NFE2L2: variants seen among roughly 807,000 people sequenced by gnomAD.
NFE2L2 encodes the protein NFE2 like bZIP transcription factor 2.
In NFE2L2, 20 loss-of-function variants were observed where a neutral mutation model predicts 49.6. That is an observed-to-expected ratio of 0.40 (90% CI 0.28 to 0.59). The LOEUF (loss-of-function observed/expected upper bound fraction) is 0.59, where lower values mean the gene tolerates loss of function less well. NFE2L2 is among the 20% of genes least tolerant of loss of function. The pLI, the probability that NFE2L2 is intolerant of heterozygous loss-of-function variation, is 0.40. For missense variants in NFE2L2, 578 were observed against 714.2 expected, an observed-to-expected ratio of 0.81 and a Z score of 2.17; for synonymous variants, 244 against 256.5, an observed-to-expected ratio of 0.95 and a Z score of 0.47.
intron 1 of NFE2L2, among the ~76,000 whole-genome samples, chr2:177,239,226 A>C (rs1020109576): frequency 2.6e-5 from 4 of 152,222 alleles, no homozygotes; most frequent in African/African-American, 9.6e-5. Flanking sequence ...TGGGAGACTA[A>C]GCAGCTCCTG....
At chr2:177,256,345 C>T (rs777592455) in intron 1 of NFE2L2, among the ~76,000 whole-genome samples, 6 of 152,040 alleles carry the variant, frequency 3.9e-5, no homozygotes, top group Admixed American at 6.5e-5. Flanking sequence ...GCAGAGCAGA[C>T]AAGAGATTGT....
intron 1 of NFE2L2, among the ~76,000 whole-genome samples, chr2:177,242,721 A>G (rs1467769178): frequency 6.6e-6 from 1 of 152,208 alleles, no homozygotes; most frequent in Admixed American, 6.5e-5. Context: ...GCAAAACTGG[A>G]AAGTGAAGAA....
At position 177,256,499 on chromosome 2, in the gene NFE2L2, CAAA is replaced by C. The variant is rs35073132; in HGVS notation, c.45+8030_45+8032del. ...ACTCTGAATGTCAGCTACATTCTTG[CAAA>C]AAAAAAAAAAAAAAAAAAGGAAAGG... On this transcript the variant is annotated intron_variant, in intron 1 of 4. Coordinates refer to ENST00000397062, the MANE Select transcript of NFE2L2 (RefSeq NM_006164.5). Among the ~76,000 whole-genome samples, 674 of 75,090 alleles carry C rather than the reference CAAA, an allele frequency of 9.0e-3. 3 individuals are homozygous for C. Among genetic ancestry groups the C allele is most frequent in the African/African-American group, 0.03 (635 of 21,260 alleles). 49.3% of individuals were successfully genotyped at this position (75,090 alleles called of 152,430 possible). A position where few individuals can be genotyped will look rare whatever the true frequency, so the allele number is the denominator to read the frequency against.
At chr2:177,257,177 T>C (rs888475202) in intron 1 of NFE2L2, among the ~76,000 whole-genome samples, 1 of 152,210 alleles carries the variant, frequency 6.6e-6, no homozygotes, top group African/African-American at 2.4e-5. Flanking sequence ...CGGAGGAAGA[T>C]AATGAGGCCC....
chr2:177,233,444 A>C, intron 2 of NFE2L2, 105 bp from the exon 3 acceptor site: 1 of 871,972 alleles, frequency 1.1e-6, no homozygotes, highest in Non-Finnish European at 1.8e-6. Context: ...TAATCAAGTT[A>C]AGTAAATATT....
intron 1 of NFE2L2, chr2:177,264,240 G>A: frequency 2.8e-6 from 1 of 352,534 alleles, no homozygotes; most frequent in Admixed American, 4.9e-5. Flanking sequence ...CCGGGGACGC[G>A]GCTGGATTCT....
At chr2:177,233,875 T>C (rs1438071035) in intron 2 of NFE2L2, 130 bp downstream of exon 2, 1 of 1,261,068 alleles carries the variant, frequency 7.9e-7, no homozygotes, top group Non-Finnish European at 1.1e-6. Context: ...GAGGCTGAGG[T>C]TGGAAAGTAG....
intron 1 of NFE2L2, among the ~76,000 whole-genome samples, chr2:177,258,659 AG>A (rs978724212): frequency 2.2e-4 from 33 of 152,168 alleles, no homozygotes; most frequent in Non-Finnish European, 4.0e-4. Flanking sequence ...TCTACTATAG[AG>A]GAAAAAAAAA....
chr2:177,231,854 A>T lies in NFE2L2; in HGVS notation c.749T>A (p.Phe250Tyr). Residue 250 changes from phenylalanine to tyrosine, a missense_variant, in exon 5 of 5, where the codon TTT (phenylalanine) becomes TAT (tyrosine). Coordinates refer to ENST00000397062, the MANE Select transcript of NFE2L2 (RefSeq NM_006164.5). The stretch of plus-strand genomic sequence containing the variant: ...GAGGATGCTGCTGAAGGAATCCTCA[A>T]AAGCATTAAGAAAATGTGGACTACA... ...GNCSPHFLNA[F>Y]EDSFSSILST... The T allele has an allele frequency of 6.2e-7, 1 of 1,614,232 alleles. No individual in the cohort carries two copies. Among genetic ancestry groups the T allele is most frequent in the Non-Finnish European group, 8.5e-7 (1 of 1,180,030 alleles).
In NFE2L2 at chr2:177,234,144, CTTTCCT is replaced by C; in HGVS notation, c.167_172del (p.Lys56_Glu57del). ...TTGCTCCTTTTGGAGTTGTTCTTGT[CTTTCCT>C]TTTCAAGTTTTTTCTGTTTTTCCAG... is the stretch of plus-strand genomic sequence containing the variant. On this transcript the variant is annotated inframe_deletion, in exon 2 of 5. Transcript: ENST00000397062. The C allele has an allele frequency of 1.2e-6, 2 of 1,614,136 alleles. No individual in the cohort carries two copies. Among genetic ancestry groups the C allele is most frequent in the South Asian group, 1.1e-5 (1 of 91,076 alleles).
chr2:177,246,201 A>T (rs1476616639), intron 1 of NFE2L2, among the ~76,000 whole-genome samples: 1 of 152,220 alleles, frequency 6.6e-6, no homozygotes, highest in Non-Finnish European at 1.5e-5. Flanking sequence ...AGGCCAACGT[A>T]ACTTGCCTAA....
At chr2:177,237,562 A>T (rs1689793152) in intron 1 of NFE2L2, among the ~76,000 whole-genome samples, 1 of 152,302 alleles carries the variant, frequency 6.6e-6, no homozygotes, top group South Asian at 2.1e-4. Context: ...TCTGTCGCCC[A>T]GGCTGGAGTG....
chr2:177,253,289 A>G (rs1690405705), intron 1 of NFE2L2, among the ~76,000 whole-genome samples: 1 of 152,214 alleles, frequency 6.6e-6, no homozygotes, highest in East Asian at 1.9e-4. Context: ...ATTAAATATC[A>G]AGCTCCTAGA....
chr2:177,263,702 C>CG (rs1421342314), intron 1 of NFE2L2: 1 of 985,392 alleles, frequency 1.0e-6, no homozygotes, highest in Non-Finnish European at 1.2e-6. Context: ...CCGCCGACTC[C>CG]GGCCTCAGAG....
intron 1 of NFE2L2, chr2:177,263,433 T>TTG (rs1327311464): frequency 1.0e-6 from 1 of 985,382 alleles, no homozygotes; most frequent in African/African-American, 1.7e-5. Flanking sequence ...ATATCCCGTC[T>TTG]TACACATTTT....
intron 1 of NFE2L2, among the ~76,000 whole-genome samples, chr2:177,251,582 G>A (rs1006874142): frequency 6.6e-6 from 1 of 152,154 alleles, no homozygotes; most frequent in Non-Finnish European, 1.5e-5. Flanking sequence ...CCTGCTATGG[G>A]GTTGGTTTTC....
chr2:177,245,289 CTT>C (rs1242853967), intron 1 of NFE2L2, among the ~76,000 whole-genome samples: 1 of 152,132 alleles, frequency 6.6e-6, no homozygotes, highest in Admixed American at 6.5e-5. Flanking sequence ...GACAGCCCCT[CTT>C]GTTTTGCAAA....
At chr2:177,255,336 G>A (rs1360603998) in intron 1 of NFE2L2, among the ~76,000 whole-genome samples, 2 of 152,168 alleles carry the variant, frequency 1.3e-5, no homozygotes, top group Non-Finnish European at 2.9e-5. Context: ...GGAAGTCACT[G>A]CCCTAAGGAT....
At position 177,233,990 on chromosome 2, in the gene NFE2L2, C is replaced by T. The variant is rs2105457983; in HGVS notation, c.312+15G>A. On this transcript the variant is annotated intron_variant, in intron 2 of 4. Transcript: ENST00000397062. ...AAACCTGCCATAACTTTCCCAAGAA[C>T]TGAGTACTCTGTACCTGGGAGTAGT... 1.2e-6 allele frequency: 2 copies of T among 1,613,948 alleles called. No homozygotes were observed. The highest frequency in any genetic ancestry group is 1.7e-6 in the Non-Finnish European group (2 of 1,179,980).
Sources: gnomAD v4.1 joint callset for allele counts (sites outside exome capture counted in the v4.1 genomes callset) on GRCh38, gnomAD v4.1.1 for gene constraint, MANE v1.5 for transcripts, NCBI Gene and HGNC (gene_info 2026-07-23, HGNC 2026-07-21) for gene names.